DENND4C: variants seen among roughly 807,000 people sequenced by gnomAD.
DENND4C encodes the protein DENN domain-containing protein 4C.
A neutral mutation model predicts 203.0 loss-of-function variants in DENND4C; 108 were observed. The ratio of observed to expected loss-of-function variants is 0.53; its 90% CI spans 0.46 to 0.62. DENND4C has a LOEUF of 0.62. DENND4C is among the 20% of genes least tolerant of loss of function. The pLI is 0.00. For missense variants in DENND4C, 2,481 were observed against 2,301.2 expected, an observed-to-expected ratio of 1.08 and a Z score of -1.60; for synonymous variants, 871 against 792.4, an observed-to-expected ratio of 1.10 and a Z score of -1.67.
chr9:19,300,463 C>G, intron 9 of DENND4C, 132 bp downstream of exon 9: 1 of 873,652 alleles, frequency 1.1e-6, no homozygotes, highest in Non-Finnish European at 1.6e-6. Context: ...AAATTTCCAG[C>G]CCAGTAAAAG....
intron 6 of DENND4C, among the ~76,000 whole-genome samples, chr9:19,297,753 A>G (rs16937434): frequency 0.08 from 12,226 of 152,198 alleles, 1,593 homozygotes; most frequent in African/African-American, 0.28. Context: ...GTACTGGCAC[A>G]GATAACCAGG....
chr9:19,304,144 C>T (rs10964090), intron 9 of DENND4C, among the ~76,000 whole-genome samples: 33,427 of 142,158 alleles, frequency 0.24, 3,970 homozygotes, highest in East Asian at 0.43. Context: ...TCTCTTTTTT[C>T]TTTTTCTGTC....
At chr9:19,281,156 A>G (rs1338291421) in intron 2 of DENND4C, among the ~76,000 whole-genome samples, 2 of 152,234 alleles carry the variant, frequency 1.3e-5, no homozygotes, top group Non-Finnish European at 2.9e-5. Context: ...CAACTTAAAA[A>G]TAAAATGATG....
intron 1 of DENND4C, among the ~76,000 whole-genome samples, chr9:19,266,427 T>G (rs1830515017): frequency 6.6e-6 from 1 of 152,226 alleles, no homozygotes; most frequent in Non-Finnish European, 1.5e-5. Flanking sequence ...AATCTGATGG[T>G]AGTTTCTTTT....
intron 10 of DENND4C, among the ~76,000 whole-genome samples, chr9:19,309,043 T>C (rs1006334136): frequency 6.6e-6 from 1 of 152,190 alleles, no homozygotes; most frequent in African/African-American, 2.4e-5. Flanking sequence ...GTAGATTGAT[T>C]AGTGATTGCC....
chr9:19,366,813 AAAG>A (rs1464565733), intron 30 of DENND4C, among the ~76,000 whole-genome samples: 2 of 152,224 alleles, frequency 1.3e-5, no homozygotes, highest in African/African-American at 2.4e-5. Context: ...GCCTTCAAAA[AAAG>A]CAACAAAAGC....
At chr9:19,298,549 C>A (rs751165163) in intron 7 of DENND4C, among the ~76,000 whole-genome samples, 1 of 152,014 alleles carries the variant, frequency 6.6e-6, no homozygotes, top group Non-Finnish European at 1.5e-5. Flanking sequence ...AAGTAGCAGA[C>A]GTAGGTAGGT....
intron 1 of DENND4C, among the ~76,000 whole-genome samples, chr9:19,237,933 A>T (rs1822436198): frequency 2.0e-5 from 3 of 152,170 alleles, no homozygotes; most frequent in South Asian, 4.1e-4. Context: ...AGAGTAAATT[A>T]CTGCAAAGTG....
chr9:19,336,371 G>A lies in DENND4C; in HGVS notation c.2691G>A (p.Pro897=), dbSNP rs1375271294. 3.1e-6 allele frequency: 5 copies of A among 1,613,872 alleles called. No homozygotes were observed. The highest frequency in any genetic ancestry group is 1.7e-4 in the Middle Eastern group (1 of 6,054). ...GTGGCTTGGCACAGTTTAGGCAGCC[G>A]CTTAAAAAGACTGTGCAAAGGTCAC... The part of the protein sequence containing the change: ...VVRGLAQFRQ[P]LKKTVQRSQV... Residue 897 remains proline (P), a synonymous_variant, in exon 19 of 33, where the codon CCG becomes CCA. Transcript: ENST00000434457.
chr9:19,325,062 G>A (rs1398472386), intron 13 of DENND4C, among the ~76,000 whole-genome samples: 2 of 151,972 alleles, frequency 1.3e-5, no homozygotes, highest in Admixed American at 6.5e-5. Flanking sequence ...CAACTATTGA[G>A]TTGTAAAACT....
intron 17 of DENND4C, among the ~76,000 whole-genome samples, chr9:19,333,855 A>G (rs1322373764): frequency 6.6e-6 from 1 of 152,206 alleles, no homozygotes; most frequent in African/African-American, 2.4e-5. Context: ...CTAGATTAGA[A>G]TTAAAAATGA....
At chr9:19,316,346 A>T (rs2131555227) in intron 10 of DENND4C, 71 bp from the exon 11 acceptor site, 1 of 1,208,104 alleles carries the variant, frequency 8.3e-7, no homozygotes, top group Non-Finnish European at 1.2e-6. Context: ...TTTTAGGTTG[A>T]TGCAAGAATT....
In DENND4C at chr9:19,334,934, A is replaced by C; in HGVS notation, c.2461-43A>C. The C allele has an allele frequency of 2.0e-6, 3 of 1,528,730 alleles. 1 individual carries two copies. In the South Asian group the frequency reaches 3.8e-5, roughly 19 times the overall value. 94.7% of individuals were successfully genotyped at this position (1,528,730 alleles called of 1,614,324 possible). ...TAAAATCTCTACAATTCACAGATAGATTAGTATACTAATTACTGACACTGA... is the reference window on the plus strand; with the variant it reads ...TAAAATCTCTACAATTCACAGATAGCTTAGTATACTAATTACTGACACTGA... On this transcript the variant is annotated intron_variant, in intron 17 of 32. Coordinates refer to ENST00000434457, the MANE Select transcript of DENND4C (RefSeq NM_001330640.2).
chr9:19,242,586 G>T (rs1475670774), intron 1 of DENND4C, among the ~76,000 whole-genome samples: 1 of 151,720 alleles, frequency 6.6e-6, no homozygotes, highest in African/African-American at 2.4e-5. Context: ...TTCGTATTTG[G>T]TATTGTCAGT....
chr9:19,299,086 A>G, intron 7 of DENND4C, 143 bp from the exon 8 acceptor site: 1 of 577,248 alleles, frequency 1.7e-6, no homozygotes, highest in Non-Finnish European at 2.9e-6. Flanking sequence ...ACCTGTTTCC[A>G]AAAGTGTGTT....
intron 18 of DENND4C, 37 bp from the exon 19 acceptor site, chr9:19,336,233 C>A: frequency 1.3e-6 from 2 of 1,590,996 alleles, no homozygotes; most frequent in Non-Finnish European, 1.7e-6. Context: ...TCAGATATTG[C>A]TAATGAACAT....
intron 1 of DENND4C, among the ~76,000 whole-genome samples, chr9:19,268,477 T>A (rs777126143): frequency 1.1e-4 from 17 of 152,216 alleles, no homozygotes; most frequent in Non-Finnish European, 2.2e-4. Context: ...AGAATTACGG[T>A]GTTAATATTC....
At chr9:19,367,284 C>G (rs1289681825) in intron 30 of DENND4C, among the ~76,000 whole-genome samples, 1 of 152,206 alleles carries the variant, frequency 6.6e-6, no homozygotes, top group Non-Finnish European at 1.5e-5. Flanking sequence ...AGTTTCACAG[C>G]TCCTCAAAAT....
chr9:19,361,801 A>T lies in DENND4C; in HGVS notation c.5407-45A>T, dbSNP rs376675736. The stretch of plus-strand genomic sequence containing the variant: ...TCAAGCTTCACTAGATCTACTGGTA[A>T]TTGTTATTCTCGGGATACTAATACT... On this transcript the variant is annotated intron_variant, in intron 29 of 32. Coordinates refer to ENST00000434457, the MANE Select transcript of DENND4C (RefSeq NM_001330640.2). 50 of 1,168,702 alleles carry T rather than the reference A, an allele frequency of 4.3e-5. No homozygotes were observed. In the African/African-American group the frequency reaches 7.3e-4, roughly 17 times the overall value. 72.4% of individuals were successfully genotyped at this position (1,168,702 alleles called of 1,614,324 possible).
Sources: allele counts gnomAD v4.1 joint callset (sites outside exome capture counted in the v4.1 genomes callset), GRCh38; gene constraint gnomAD v4.1.1; transcripts MANE v1.5; gene names NCBI Gene and HGNC (gene_info 2026-07-23, HGNC 2026-07-21).